The following MSI2 variants were observed in gnomAD, a reference collection of about 807,000 sequenced individuals.
The protein encoded by MSI2 is musashi RNA binding protein 2.
A neutral mutation model predicts 45.6 loss-of-function variants in MSI2; 17 were observed. That is an observed-to-expected ratio of 0.37 (90% CI 0.26 to 0.56). The LOEUF is 0.56. Ranked by LOEUF, MSI2 falls within the 20% of genes least tolerant of loss-of-function variation. MSI2 has a pLI of 0.77. For missense variants in MSI2, 293 were observed against 444.2 expected, an observed-to-expected ratio of 0.66 and a Z score of 3.06; for synonymous variants, 156 against 158.2, an observed-to-expected ratio of 0.99 and a Z score of 0.11.
At chr17:57,486,050 C>G (rs1208516866) in intron 6 of MSI2, among the ~76,000 whole-genome samples, 1 of 152,248 alleles carries the variant, frequency 6.6e-6, no homozygotes, top group Non-Finnish European at 1.5e-5. Flanking sequence ...CCTCAGTCAC[C>G]TCCCAAGGAT....
intron 5 of MSI2, among the ~76,000 whole-genome samples, chr17:57,393,095 C>T (rs2083825079): frequency 6.6e-6 from 1 of 152,144 alleles, no homozygotes; most frequent in Non-Finnish European, 1.5e-5. Context: ...GCTGTCTCTA[C>T]AGATTTCCCT....
chr17:57,357,417 C>T (rs1244173936), intron 5 of MSI2, among the ~76,000 whole-genome samples: 10 of 152,062 alleles, frequency 6.6e-5, no homozygotes, highest in Non-Finnish European at 7.4e-5. Context: ...TTCTGGCCTT[C>T]GGAGCTGGAT....
intron 9 of MSI2, among the ~76,000 whole-genome samples, chr17:57,621,561 G>A (rs1047752996): frequency 1.3e-5 from 2 of 152,216 alleles, no homozygotes; most frequent in Non-Finnish European, 2.9e-5. Context: ...TGAGGAGTCT[G>A]AGACAACCAG....
chr17:57,423,018 A>T (rs1201663671), intron 6 of MSI2, among the ~76,000 whole-genome samples: 6 of 152,142 alleles, frequency 3.9e-5, no homozygotes, highest in Non-Finnish European at 8.8e-5. Flanking sequence ...GCCTTCTATG[A>T]GGAACTAAAG....
intron 6 of MSI2, among the ~76,000 whole-genome samples, chr17:57,519,875 C>CCA (rs930647338): frequency 3.3e-5 from 5 of 152,050 alleles, no homozygotes; most frequent in African/African-American, 1.2e-4. Context: ...TGTCGGTGAA[C>CCA]CACAATTTCC....
intron 6 of MSI2, among the ~76,000 whole-genome samples, chr17:57,410,895 T>G (rs1421412177): frequency 6.6e-6 from 1 of 152,212 alleles, no homozygotes; most frequent in Non-Finnish European, 1.5e-5. Context: ...TCTTATGGAA[T>G]GACAAGGGTA....
At chr17:57,686,935 C>T (rs1458693001), downstream of MSI2, among the ~76,000 whole-genome samples, 3 of 151,718 alleles carry the variant, frequency 2.0e-5, no homozygotes, top group Non-Finnish European at 2.9e-5. Flanking sequence ...GATGGCTCTT[C>T]GAATAGAGTT....
At chr17:57,359,499 T>C (rs1253966529) in intron 5 of MSI2, among the ~76,000 whole-genome samples, 2 of 152,140 alleles carry the variant, frequency 1.3e-5, no homozygotes, top group Non-Finnish European at 1.5e-5. Context: ...AAAATGGATG[T>C]CCCAGTACTG....
chr17:57,661,170 C>A (rs1265403058), intron 11 of MSI2, among the ~76,000 whole-genome samples: 2 of 152,082 alleles, frequency 1.3e-5, no homozygotes, highest in Non-Finnish European at 1.5e-5. Context: ...CTGGGGTGGG[C>A]TGCAGAATAA....
At chr17:57,696,878 A>G in the MSI2 span, among the ~76,000 whole-genome samples, 1 of 151,238 alleles carries the variant, frequency 6.6e-6, no homozygotes, top group East Asian at 1.9e-4. Flanking sequence ...TCTTCCCCAA[A>G]CTCTTGGCAC....
the MSI2 span, among the ~76,000 whole-genome samples, chr17:57,699,357 A>G: frequency 2.0e-5 from 3 of 148,498 alleles, no homozygotes; most frequent in Non-Finnish European, 3.0e-5. Flanking sequence ...CACTAGAGTC[A>G]TTTGAGAGTG....
At chr17:57,654,876 T>C (rs912400506) in intron 11 of MSI2, among the ~76,000 whole-genome samples, 3 of 151,558 alleles carry the variant, frequency 2.0e-5, no homozygotes, top group East Asian at 1.9e-4. Context: ...TGGACGGCCC[T>C]TTTTTTGTCT....
chr17:57,323,019 G>A (rs562182209), intron 5 of MSI2, among the ~76,000 whole-genome samples: 1 of 152,142 alleles, frequency 6.6e-6, no homozygotes, highest in African/African-American at 2.4e-5. Flanking sequence ...CATATTGGTG[G>A]GGGGAGAGGG....
chr17:57,606,012 C>T (rs1906532073), intron 8 of MSI2, among the ~76,000 whole-genome samples: 1 of 152,254 alleles, frequency 6.6e-6, no homozygotes, highest in African/African-American at 2.4e-5. Context: ...CCACCATCAG[C>T]TTTTTCCCCA....
intron 7 of MSI2, among the ~76,000 whole-genome samples, chr17:57,561,668 G>C (rs572309011): frequency 6.6e-6 from 1 of 152,190 alleles, no homozygotes. Flanking sequence ...CTGTGAGGAC[G>C]ACAGAAAGGT....
At chr17:57,461,681 G>A (rs1421781054) in intron 6 of MSI2, among the ~76,000 whole-genome samples, 1 of 152,010 alleles carries the variant, frequency 6.6e-6, no homozygotes, top group South Asian at 2.1e-4. Flanking sequence ...GATTACAGGC[G>A]TGAGCCACCA....
chr17:57,508,539 G>C (rs139843789), intron 6 of MSI2, among the ~76,000 whole-genome samples: 75 of 152,322 alleles, frequency 4.9e-4, no homozygotes, highest in Non-Finnish European at 9.1e-4. Context: ...TGCTGGCTGG[G>C]AAGAAGTCTG....
chr17:57,546,064 G>A (rs1221267380), intron 7 of MSI2, among the ~76,000 whole-genome samples: 1 of 152,194 alleles, frequency 6.6e-6, no homozygotes, highest in Non-Finnish European at 1.5e-5. Flanking sequence ...AGGCCCCTGT[G>A]TGTAACTGGA....
At chr17:57,459,263 C>T (rs534236980) in intron 6 of MSI2, among the ~76,000 whole-genome samples, 2 of 152,258 alleles carry the variant, frequency 1.3e-5, no homozygotes, top group East Asian at 3.9e-4. Flanking sequence ...TTCTGAAGTG[C>T]TCCCTGCTTT....
Sources: gnomAD v4.1 joint callset for allele counts (sites outside exome capture counted in the v4.1 genomes callset) on GRCh38, gnomAD v4.1.1 for gene constraint, MANE v1.5 for transcripts, NCBI Gene and HGNC (gene_info 2026-07-23, HGNC 2026-07-21) for gene names.